Variants in CDK14 observed in about 807,000 individuals in gnomAD.
CDK14 encodes cyclin dependent kinase 14.
Under a neutral mutation model 60.7 loss-of-function variants are expected in CDK14, and 34 were observed. That is an observed-to-expected ratio of 0.56 (90% CI 0.43 to 0.75). The LOEUF is 0.75. Ranked by LOEUF, CDK14 falls within the 30% of genes least tolerant of loss-of-function variation. CDK14 has a pLI of 0.00. For synonymous variants in CDK14, 197 were observed against 203.7 expected, an observed-to-expected ratio of 0.97 and a Z score of 0.28; for missense variants, 482 against 564.1, an observed-to-expected ratio of 0.85 and a Z score of 1.47.
chr7:90,598,952 C>T (rs1016503886), intron 1 of CDK14, among the ~76,000 whole-genome samples: 3 of 152,014 alleles, frequency 2.0e-5, no homozygotes, highest in Admixed American at 2.0e-4. Flanking sequence ...GATCCGCCCG[C>T]CTCGGCCTCC....
Position 91,079,519 on chromosome 7 carries a change from C to G in CDK14, c.1154+39C>G, listed in dbSNP as rs199778971. On this transcript the variant is annotated intron_variant, in intron 12 of 14. Coordinates refer to ENST00000380050, the MANE Select transcript of CDK14 (RefSeq NM_001287135.2). ...CAGATTGTGCTCATTCTCTTTCTTT[C>G]TCTTTTAATATTTACAACTCTTCTC... 5.1e-4 allele frequency: 701 copies of G among 1,385,990 alleles called. 2 individuals are homozygous for G. In the Middle Eastern group the frequency reaches 6.8e-3, roughly 13 times the overall value. The allele number at this position is 1,385,990 out of a possible 1,614,324, so 85.9% of individuals were successfully genotyped here.
At chr7:90,775,371 A>G (rs917519253) in intron 4 of CDK14, among the ~76,000 whole-genome samples, 5 of 152,172 alleles carry the variant, frequency 3.3e-5, no homozygotes, top group Non-Finnish European at 5.9e-5. Flanking sequence ...TTAATAAGTA[A>G]TCAAAGATTG....
intron 12 of CDK14, among the ~76,000 whole-genome samples, chr7:91,109,103 A>G (rs1348714123): frequency 6.6e-6 from 1 of 152,072 alleles, no homozygotes; most frequent in Non-Finnish European, 1.5e-5. Flanking sequence ...ACCAGCTGTT[A>G]TTGTTTGAAA....
chr7:90,824,934 A>C (rs557803784), intron 5 of CDK14, among the ~76,000 whole-genome samples: 5 of 152,322 alleles, frequency 3.3e-5, no homozygotes, highest in African/African-American at 1.2e-4. Flanking sequence ...CAATATTTCA[A>C]ATATTTTCTG....
At chr7:91,142,427 G>A (rs1800497093) in intron 14 of CDK14, among the ~76,000 whole-genome samples, 1 of 152,176 alleles carries the variant, frequency 6.6e-6, no homozygotes, top group African/African-American at 2.4e-5. Flanking sequence ...ACTTTCAGTG[G>A]AGGAAAAGAA....
At chr7:90,831,647 A>G (rs1584023431) in intron 5 of CDK14, among the ~76,000 whole-genome samples, 1 of 151,602 alleles carries the variant, frequency 6.6e-6, no homozygotes, top group African/African-American at 2.4e-5. Context: ...CTTGGCTGCC[A>G]TTCTCTCTTG....
intron 14 of CDK14, among the ~76,000 whole-genome samples, chr7:91,125,817 A>G (rs1799927118): frequency 6.6e-6 from 1 of 152,138 alleles, no homozygotes; most frequent in Non-Finnish European, 1.5e-5. Context: ...AATTATCACC[A>G]TTGTCTTAAT....
In CDK14 at chr7:90,649,276, C is replaced by G. The variant is rs551918807; in HGVS notation, c.123+45027C>G. Reference sequence around the variant, plus strand: ...TCTTTCTTTCTTTCTTTCTTTCTTTCTTTCTTTCTTTCTTTCTTTCTTTCT... The same window carrying G: ...TCTTTCTTTCTTTCTTTCTTTCTTTGTTTCTTTCTTTCTTTCTTTCTTTCT... On this transcript the variant is annotated intron_variant, in intron 2 of 14. Coordinates refer to ENST00000380050, the MANE Select transcript of CDK14 (RefSeq NM_001287135.2). 1.1e-3 allele frequency among the ~76,000 whole-genome samples: 57 copies of G among 52,750 alleles called. No individual in the cohort carries two copies. The South Asian group carries it at 0.011, about 10-fold the overall frequency. The allele number at this position is 52,750 out of a possible 152,430, so 34.6% of individuals were successfully genotyped here.
intron 14 of CDK14, among the ~76,000 whole-genome samples, chr7:91,129,734 A>G (rs1800062108): frequency 6.6e-6 from 1 of 152,306 alleles, no homozygotes; most frequent in East Asian, 1.9e-4. Context: ...GAAAATTTGA[A>G]TTTGAGAACT....
At chr7:90,651,503 T>C (rs17866339) in intron 2 of CDK14, among the ~76,000 whole-genome samples, 12,312 of 152,214 alleles carry the variant, frequency 0.081, 652 homozygotes, top group East Asian at 0.19. Context: ...CCTTTTTATT[T>C]TTTTAAGTCT....
At chr7:90,654,781 C>T (rs950487030) in intron 2 of CDK14, among the ~76,000 whole-genome samples, 3 of 152,070 alleles carry the variant, frequency 2.0e-5, no homozygotes, top group South Asian at 2.1e-4. Flanking sequence ...TAATATTTTG[C>T]GTGAATATGG....
chr7:91,012,732 T>C (rs1411395344), intron 10 of CDK14, among the ~76,000 whole-genome samples: 1 of 152,182 alleles, frequency 6.6e-6, no homozygotes, highest in Non-Finnish European at 1.5e-5. Context: ...TTATCTTGAC[T>C]GGAAGGGGAA....
At chr7:91,144,751 C>T (rs77014804) in intron 14 of CDK14, among the ~76,000 whole-genome samples, 8,857 of 152,124 alleles carry the variant, frequency 0.058, 375 homozygotes, top group Admixed American at 0.13. Context: ...AGGGGTAATC[C>T]ACTGGTAGAT....
chr7:90,617,207 C>G lies in CDK14; in HGVS notation c.123+12958C>G, dbSNP rs1030251988. Among the ~76,000 whole-genome samples, 13 of 151,792 alleles carry G rather than the reference C, an allele frequency of 8.6e-5. No individual in the cohort carries two copies. The East Asian group carries it at 2.5e-3, about 29-fold the overall frequency. On this transcript the variant is annotated intron_variant, in intron 2 of 14. Coordinates refer to ENST00000380050, the MANE Select transcript of CDK14 (RefSeq NM_001287135.2). ...AACATCTGAAAAAAAGGAAATACAACAAATGGATAATGGGGAGATTGGGGT... is the reference window on the plus strand; with the variant it reads ...AACATCTGAAAAAAAGGAAATACAAGAAATGGATAATGGGGAGATTGGGGT...
At chr7:91,127,022 C>A (rs1014133684) in intron 14 of CDK14, among the ~76,000 whole-genome samples, 2 of 152,052 alleles carry the variant, frequency 1.3e-5, no homozygotes, top group Non-Finnish European at 2.9e-5. Flanking sequence ...GACTTCGAGG[C>A]AGGGGGTGCC....
chr7:90,701,434 TA>T lies in CDK14; in HGVS notation c.124-25131del, dbSNP rs1308373984. Among the ~76,000 whole-genome samples the T allele has an allele frequency of 2.0e-5, 3 of 152,312 alleles. No homozygotes were observed. In the East Asian group the frequency reaches 5.8e-4, roughly 29 times the overall value. ...TATAAGAATAAAAATGTTAATATAA[TA>T]ATACTCAATTTAGTACAAATTTTTA... On this transcript the variant is annotated intron_variant, in intron 2 of 14. Transcript: ENST00000380050.
intron 11 of CDK14, among the ~76,000 whole-genome samples, chr7:91,076,198 A>G (rs1043431812): frequency 7.3e-6 from 1 of 136,702 alleles, no homozygotes; most frequent in African/African-American, 2.7e-5. Context: ...AGCTGGAGGC[A>G]TCATGCTACC....
chr7:90,649,114 G>A (rs1258177389), intron 2 of CDK14, among the ~76,000 whole-genome samples: 1 of 152,122 alleles, frequency 6.6e-6, no homozygotes, highest in Non-Finnish European at 1.5e-5. Flanking sequence ...TGGATTTCCA[G>A]TTTGTTCCTG....
At chr7:90,683,774 C>T (rs1801372792) in intron 2 of CDK14, among the ~76,000 whole-genome samples, 1 of 152,196 alleles carries the variant, frequency 6.6e-6, no homozygotes, top group Admixed American at 6.5e-5. Context: ...GCACTCCAGC[C>T]TGGGCGACAG....
Sources: gnomAD v4.1 joint callset for allele counts (sites outside exome capture counted in the v4.1 genomes callset) on GRCh38, gnomAD v4.1.1 for gene constraint, MANE v1.5 for transcripts, NCBI Gene and HGNC (gene_info 2026-07-23, HGNC 2026-07-21) for gene names.